Variants in CSMD1 observed in about 807,000 individuals in gnomAD.
CSMD1 encodes CUB and Sushi multiple domains 1, also known as CUB and sushi domain-containing protein 1.
CSMD1 carries 213 observed loss-of-function variants against 417.5 expected under a neutral mutation model. The observed-to-expected ratio is 0.51, with a 90% CI of 0.46 to 0.57. CSMD1 has a LOEUF of 0.57. Among genes scored for constraint, CSMD1 ranks in the 20% least tolerant of loss-of-function variants. CSMD1 has a pLI of 0.00. For missense variants in CSMD1, 6,923 were observed against 4,529.7 expected (o/e 1.53, Z -15.17); for synonymous variants, 2,862 against 1,736.8 (o/e 1.65, Z -16.11).
At chr8:3,755,860 T>C (rs1431528555) in intron 5 of CSMD1, among the ~76,000 whole-genome samples, 1 of 152,138 alleles carries the variant, frequency 6.6e-6, no homozygotes, top group African/African-American at 2.4e-5. Flanking sequence ...CTTGGATTTA[T>C]GTAGTACTGG....
chr8:3,013,236 A>G (rs1014967696), intron 52 of CSMD1, among the ~76,000 whole-genome samples: 2 of 152,120 alleles, frequency 1.3e-5, no homozygotes, highest in Non-Finnish European at 2.9e-5. Context: ...GATATATGCA[A>G]TTAATTTTAT....
intron 1 of CSMD1, among the ~76,000 whole-genome samples, chr8:4,962,152 T>C (rs933676938): frequency 1.3e-5 from 2 of 151,024 alleles, no homozygotes; most frequent in Non-Finnish European, 2.9e-5. Flanking sequence ...AACTATCCAG[T>C]GAAACACAAA....
At chr8:4,245,658 A>T (rs1196286101) in intron 3 of CSMD1, among the ~76,000 whole-genome samples, 1 of 152,114 alleles carries the variant, frequency 6.6e-6, no homozygotes, top group South Asian at 2.1e-4. Flanking sequence ...CAGATAACCA[A>T]TCTACCCCAT....
intron 1 of CSMD1, among the ~76,000 whole-genome samples, chr8:4,866,555 A>G (rs1357882489): frequency 6.6e-6 from 1 of 151,954 alleles, no homozygotes; most frequent in African/African-American, 2.4e-5. Flanking sequence ...CAACTAAATA[A>G]ATAGAAACCC....
intron 2 of CSMD1, among the ~76,000 whole-genome samples, chr8:4,459,469 G>A (rs886164496): frequency 1.3e-5 from 2 of 152,150 alleles, no homozygotes; most frequent in Non-Finnish European, 1.5e-5. Context: ...AGAGATAGAG[G>A]GCAGGAAATT....
chr8:3,458,619 C>T lies in CSMD1; in HGVS notation c.1561+10093G>A, dbSNP rs371313240. Among the ~76,000 whole-genome samples, 206 of 152,278 alleles carry T rather than the reference C, an allele frequency of 1.4e-3. 3 individuals carry two copies. The South Asian group carries it at 0.039, about 29-fold the overall frequency. On this transcript the variant is annotated intron_variant, in intron 12 of 69. Coordinates refer to ENST00000635120, the MANE Select transcript of CSMD1 (RefSeq NM_033225.6). ...TCTTATTCGTCTTGCGTTAAGACAA[C>T]GGAACGCTAGTTGGCCTAGCTGGTA...
intron 2 of CSMD1, among the ~76,000 whole-genome samples, chr8:4,488,222 T>C (rs1036011661): frequency 1.3e-5 from 2 of 152,216 alleles, no homozygotes; most frequent in Admixed American, 1.3e-4. Context: ...AACTTAATGG[T>C]ATTTTGTTAC....
At chr8:3,276,423 A>G (rs1563215315) in intron 26 of CSMD1, among the ~76,000 whole-genome samples, 1 of 152,158 alleles carries the variant, frequency 6.6e-6, no homozygotes, top group Non-Finnish European at 1.5e-5. Flanking sequence ...GGCTTCTCCG[A>G]CTGCAAGTCA....
chr8:4,693,779 C>T (rs1806933319), intron 1 of CSMD1, among the ~76,000 whole-genome samples: 2 of 152,228 alleles, frequency 1.3e-5, no homozygotes, highest in Non-Finnish European at 2.9e-5. Flanking sequence ...TAGGCTCAAG[C>T]CATTCTCCTG....
intron 2 of CSMD1, among the ~76,000 whole-genome samples, chr8:4,463,687 C>G (rs544842365): frequency 3.3e-5 from 5 of 152,226 alleles, no homozygotes; most frequent in Non-Finnish European, 5.9e-5. Flanking sequence ...CATTAAATGT[C>G]CAGAATAGGC....
intron 3 of CSMD1, among the ~76,000 whole-genome samples, chr8:4,039,103 G>A (rs4379463): frequency 0.56 from 84,920 of 151,978 alleles, 23,854 homozygotes; most frequent in East Asian, 0.65. Flanking sequence ...GCTATCGAAA[G>A]GAAGTTTAAA....
Position 3,468,791 on chromosome 8 carries a change from C to G in CSMD1, c.1482G>C (p.Val494=), listed in dbSNP as rs774160516. ...LTGSSVPDLI[V]SMSNQMWLHL... Reference sequence around the variant, plus strand: ...GTAGCCACATCTGGTTGCTCATGCTCACAATGAGGTCAGGAACACTGGATC... The same window carrying G: ...GTAGCCACATCTGGTTGCTCATGCTGACAATGAGGTCAGGAACACTGGATC... The change falls in exon 12 of 70, where the codon GTG becomes GTC. Residue 494 remains valine (V), a synonymous_variant. Coordinates refer to ENST00000635120, the MANE Select transcript of CSMD1 (RefSeq NM_033225.6). 2 of 1,603,570 alleles carry G rather than the reference C, an allele frequency of 1.2e-6. No homozygotes were observed. Among genetic ancestry groups the G allele is most frequent in the Admixed American group, 3.4e-5 (2 of 58,760 alleles).
At chr8:3,864,419 G>T (rs925554356) in intron 5 of CSMD1, among the ~76,000 whole-genome samples, 1 of 152,184 alleles carries the variant, frequency 6.6e-6, no homozygotes, top group Non-Finnish European at 1.5e-5. Flanking sequence ...GAAAAAGCAT[G>T]AGAAGAAAGG....
intron 5 of CSMD1, among the ~76,000 whole-genome samples, chr8:3,900,201 G>C (rs1021311110): frequency 6.6e-6 from 1 of 151,672 alleles, no homozygotes; most frequent in East Asian, 1.9e-4. Context: ...AGTGCAGCTG[G>C]GTGACAGTGG....
At chr8:3,629,354 G>A (rs910038280) in intron 7 of CSMD1, among the ~76,000 whole-genome samples, 28 of 152,082 alleles carry the variant, frequency 1.8e-4, no homozygotes, top group Admixed American at 4.6e-4. Context: ...CAGATACAGC[G>A]TCCTCCATTA....
chr8:4,188,595 C>A (rs1439331852), intron 3 of CSMD1, among the ~76,000 whole-genome samples: 1 of 152,090 alleles, frequency 6.6e-6, no homozygotes, highest in Admixed American at 6.6e-5. Context: ...CTACAGTTCA[C>A]TGCAAGCTTA....
intron 3 of CSMD1, among the ~76,000 whole-genome samples, chr8:4,136,634 G>C (rs1254492768): frequency 1.3e-5 from 2 of 152,188 alleles, no homozygotes; most frequent in African/African-American, 2.4e-5. Flanking sequence ...CATAAAAATA[G>C]TGAGACAGCA....
At chr8:3,320,001 A>C (rs1055214367) in intron 23 of CSMD1, among the ~76,000 whole-genome samples, 1 of 152,174 alleles carries the variant, frequency 6.6e-6, no homozygotes, top group Non-Finnish European at 1.5e-5. Flanking sequence ...AAACCAAGTG[A>C]ATAGACCGGG....
chr8:3,962,351 C>T (rs1339270905), intron 5 of CSMD1, among the ~76,000 whole-genome samples: 1 of 152,122 alleles, frequency 6.6e-6, no homozygotes, highest in Non-Finnish European at 1.5e-5. Flanking sequence ...ATCCCAAGTA[C>T]AGTGCACTAG....
Sources: gnomAD v4.1 joint callset for allele counts (sites outside exome capture counted in the v4.1 genomes callset) on GRCh38, gnomAD v4.1.1 for gene constraint, MANE v1.5 for transcripts, NCBI Gene and HGNC (gene_info 2026-07-23, HGNC 2026-07-21) for gene names.